DMTN: variants seen among roughly 807,000 people sequenced by gnomAD.
The protein encoded by DMTN is dematin actin binding protein, also known as dematin.
DMTN carries 27 observed loss-of-function variants against 59.4 expected under a neutral mutation model. The observed-to-expected ratio is 0.45, with a 90% confidence interval of 0.33 to 0.63. The LOEUF (loss-of-function observed/expected upper bound fraction) is 0.63, where lower values mean the gene tolerates loss of function less well. Ranked by LOEUF, DMTN falls within the 20% of genes least tolerant of loss-of-function variation. The probability of loss-of-function intolerance (pLI) is 0.02; values close to 1 mark genes in which losing one functional copy is unlikely to be tolerated. For missense variants in DMTN, 451 were observed against 528.9 expected, an observed-to-expected ratio of 0.85 and a Z score of 1.45; for synonymous variants, 221 against 203.7, an observed-to-expected ratio of 1.08 and a Z score of -0.72.
intron 4 of DMTN, 103 bp downstream of exon 4, chr8:22,067,785 G>C: frequency 2.2e-6 from 3 of 1,390,144 alleles, no homozygotes; most frequent in Non-Finnish European, 2.9e-6. Flanking sequence ...GGTCTGCCTC[G>C]GCAAAACAAG....
chr8:22,081,671 T>C lies in DMTN; in HGVS notation c.*208T>C. Reference sequence around the variant, plus strand: ...GCTGGGGGCCTCCTGCTCTCGTCCCTGGCCCTCCCTGCACAGGGCAAAGCC... The same window carrying C: ...GCTGGGGGCCTCCTGCTCTCGTCCCCGGCCCTCCCTGCACAGGGCAAAGCC... On this transcript the variant is annotated 3_prime_UTR_variant, in exon 16 of 16. Transcript: ENST00000358242. 1.7e-6 allele frequency: 1 copy of C among 598,322 alleles called. No homozygotes were observed. 37.1% of individuals were successfully genotyped at this position (598,322 alleles called of 1,614,324 possible).
chr8:22,079,293 TATATATATTA>T (rs1270467782), intron 10 of DMTN, among the ~76,000 whole-genome samples: 17 of 77,166 alleles, frequency 2.2e-4, no homozygotes, highest in African/African-American at 8.4e-4. Context: ...TATATATATA[TATATATATTA>T]GCTGGGTTTG....
At chr8:22,063,354 C>T (rs998658939) in intron 1 of DMTN, among the ~76,000 whole-genome samples, 1 of 152,226 alleles carries the variant, frequency 6.6e-6, no homozygotes, top group African/African-American at 2.4e-5. Context: ...TCCCGGCAGA[C>T]CTGGATCGCC....
chr8:22,076,891 G>A (rs576140102), intron 10 of DMTN, among the ~76,000 whole-genome samples: 1 of 152,234 alleles, frequency 6.6e-6, no homozygotes, highest in African/African-American at 2.4e-5. Flanking sequence ...TGGATCCAGG[G>A]GCAGGCCAGA....
intron 1 of DMTN, chr8:22,059,226 A>C (rs1425194009): frequency 6.6e-6 from 1 of 152,598 alleles, no homozygotes; most frequent in Non-Finnish European, 1.5e-5. Context: ...AAGCAGAAAG[A>C]CAGGAGGAAG....
upstream of DMTN, chr8:22,049,199 C>A (rs1488187690): frequency 1.7e-4 from 23 of 134,772 alleles, no homozygotes; most frequent in African/African-American, 6.3e-4. Context: ...GGAGCCTCCT[C>A]GGGCAGCGAG....
chr8:22,080,600 G>GC lies in DMTN; in HGVS notation c.950-14dup. ...GACCTCAGAGCTGCATCTGACCCAT[G>GC]CCCCTTCTCTCCCGCAGGCCTGCAG... is the stretch of plus-strand genomic sequence containing the variant. On this transcript the variant is annotated splice_polypyrimidine_tract_variant and intron_variant, in intron 12 of 15. Coordinates refer to ENST00000358242, the MANE Select transcript of DMTN (RefSeq NM_001387751.1). The GC allele has an allele frequency of 1.9e-6, 3 of 1,610,404 alleles. No homozygotes were observed. The East Asian group carries it at 6.7e-5, about 36-fold the overall frequency.
chr8:22,081,477 C>G lies in DMTN; in HGVS notation c.*14C>G, dbSNP rs892990644. 4.7e-5 allele frequency: 75 copies of G among 1,610,456 alleles called. No individual in the cohort carries two copies. The highest frequency in any genetic ancestry group is 6.3e-5 in the Non-Finnish European group (74 of 1,176,798). ...TCTCTCTTCTGATGGCCCCCACCTG[C>G]TCCGGGACGGCCCCCTTACCCCTGC... On this transcript the variant is annotated 3_prime_UTR_variant, in exon 16 of 16. Coordinates refer to ENST00000358242, the MANE Select transcript of DMTN (RefSeq NM_001387751.1).
chr8:22,050,926 C>G (rs1801289486), upstream of DMTN, among the ~76,000 whole-genome samples: 1 of 152,190 alleles, frequency 6.6e-6, no homozygotes, highest in African/African-American at 2.4e-5. Flanking sequence ...CTGGTGGTGA[C>G]TTCGAAGATG....
rs758748154 is a variant in DMTN at position 22,067,658 on chromosome 8, C to A, written c.225C>A (p.His75Gln). ...ACTTCACTTATTCCCTCCTGGAACA[C>A]GTGGAGCTGCCTCGCAGCCGCGAGG... ...EPHFTYSLLE[H>Q]VELPRSRERS... The change falls in exon 4 of 16, where the codon CAC becomes CAA. Residue 75 changes from histidine to glutamine, a missense_variant. Transcript: ENST00000358242. 1 of 1,614,088 alleles carries A rather than the reference C, an allele frequency of 6.2e-7. No homozygotes were observed. Among genetic ancestry groups the A allele is most frequent in the Non-Finnish European group, 8.5e-7 (1 of 1,180,036 alleles).
Position 22,077,269 on chromosome 8 carries a change from G to A in DMTN, c.836-2911G>A, listed in dbSNP as rs1820582826. On this transcript the variant is annotated intron_variant, in intron 10 of 15. Transcript: ENST00000358242. ...TCTCCATGAGGTTGCTGGGCTGGGTGGTGGGGATGGAGCTGAGCCAAAGCC... is the reference window on the plus strand; with the variant it reads ...TCTCCATGAGGTTGCTGGGCTGGGTAGTGGGGATGGAGCTGAGCCAAAGCC... Among the ~76,000 whole-genome samples, 2 of 152,154 alleles carry A rather than the reference G, an allele frequency of 1.3e-5. 1 individual carries two copies. The highest frequency in any genetic ancestry group is 4.1e-4 in the South Asian group (2 of 4,824).
rs1180805319 is a variant in DMTN at position 22,069,483 on chromosome 8, C to T, written c.359C>T (p.Thr120Ile). The change falls in exon 6 of 16, where the codon ACC becomes ATC. Residue 120 changes from threonine to isoleucine, a missense_variant. Physicochemically the swap from Thr to Ile is moderately conservative, Grantham distance 89. Transcript: ENST00000358242. Reference protein sequence around the residue: ...SQASAPRTTGTPRTSLPHFHH... With the variant: ...SQASAPRTTGIPRTSLPHFHH... The stretch of plus-strand genomic sequence containing the variant: ...GCCTCGGCCCCCAGAACCACTGGAA[C>T]CCCCCGGACCAGCCTGCCCCATTTC... 5 of 1,611,156 alleles carry T rather than the reference C, an allele frequency of 3.1e-6. No homozygotes were observed. Among genetic ancestry groups the T allele is most frequent in the South Asian group, 1.1e-5 (1 of 90,840 alleles).
intron 10 of DMTN, among the ~76,000 whole-genome samples, chr8:22,076,690 C>CAT (rs1354575264): frequency 6.6e-6 from 1 of 151,334 alleles, no homozygotes; most frequent in Non-Finnish European, 1.5e-5. Flanking sequence ...TATATAGTGA[C>CAT]ATATATATAC....
chr8:22,068,528 A>G (rs1812583521), intron 4 of DMTN, among the ~76,000 whole-genome samples: 1 of 152,148 alleles, frequency 6.6e-6, no homozygotes, highest in Non-Finnish European at 1.5e-5. Context: ...TGATAGAGCT[A>G]CTGCATTTAG....
chr8:22,068,344 G>A (rs1812456013), intron 4 of DMTN, among the ~76,000 whole-genome samples: 1 of 152,214 alleles, frequency 6.6e-6, no homozygotes, highest in African/African-American at 2.4e-5. Flanking sequence ...TGGAGGCCAA[G>A]GTGGGAGGGT....
Position 22,068,635 on chromosome 8 carries a change from AAGGAAAG to A in DMTN, c.250-377_250-371del, listed in dbSNP as rs200471555. Among the ~76,000 whole-genome samples the A allele has an allele frequency of 2.2e-3, 332 of 151,976 alleles. 3 individuals are homozygous for A. Among genetic ancestry groups the A allele is most frequent in the Middle Eastern group, 0.01 (3 of 294 alleles). ...AGAGAAGAAAGTGGAGAGAGAGAGGAAGGAAAGAGGGAAGGAAGGGAGGAAGGCAGGG... is the reference window on the plus strand; with the variant it reads ...AGAGAAGAAAGTGGAGAGAGAGAGGAAGGGAAGGAAGGGAGGAAGGCAGGG... On this transcript the variant is annotated intron_variant, in intron 4 of 15. Coordinates refer to ENST00000358242, the MANE Select transcript of DMTN (RefSeq NM_001387751.1).
In DMTN at chr8:22,082,019, A is replaced by G. The variant is rs201751316; in HGVS notation, c.*556A>G. 1,507 of 456,890 alleles carry G rather than the reference A, an allele frequency of 3.3e-3. 17 individuals are homozygous for G. The highest frequency in any genetic ancestry group is 1.5e-3 in the Non-Finnish European group (335 of 227,000). 28.3% of individuals were successfully genotyped at this position (456,890 alleles called of 1,614,324 possible). On this transcript the variant is annotated 3_prime_UTR_variant, in exon 16 of 16. Transcript: ENST00000358242. ...TCAGCTTGCCCTGACCTCCGCTCGC[A>G]AACCCCGAGCTTCCAAGCCTTTTGC...
chr8:22,073,665 AAAAG>A, intron 9 of DMTN, 61 bp from the exon 10 acceptor site: 1 of 16,904 alleles, frequency 5.9e-5, no homozygotes, highest in Non-Finnish European at 8.1e-5. Context: ...AAGAAAAAAA[AAAAG>A]AGAAAAAAGA....
chr8:22,064,133 A>AATGG (rs531238887), intron 1 of DMTN, among the ~76,000 whole-genome samples: 1 of 151,882 alleles, frequency 6.6e-6, no homozygotes, highest in South Asian at 2.1e-4. Context: ...TAGATGCAGG[A>AATGG]ATGGATGGAT....
Sources: gnomAD v4.1 joint callset for allele counts (sites outside exome capture counted in the v4.1 genomes callset) on GRCh38, gnomAD v4.1.1 for gene constraint, MANE v1.5 for transcripts, NCBI Gene and HGNC (gene_info 2026-07-23, HGNC 2026-07-21) for gene names.